The following ESYT2 variants were observed in gnomAD, a reference collection of about 807,000 sequenced individuals.
The protein encoded by ESYT2 is extended synaptotagmin-2.
In ESYT2, 54 loss-of-function variants were observed where a neutral mutation model predicts 107.2. The ratio of observed to expected loss-of-function variants is 0.50; its 90% confidence interval spans 0.40 to 0.63. The LOEUF (loss-of-function observed/expected upper bound fraction) is 0.63. ESYT2 is among the 30% of genes least tolerant of loss of function. The probability of loss-of-function intolerance (pLI) is 0.00; values close to 1 mark genes in which losing one functional copy is unlikely to be tolerated. For synonymous variants in ESYT2, 491 were observed against 434.1 expected, an observed-to-expected ratio of 1.13 and a Z score of -1.63; for missense variants, 1,020 against 1,094.5, an observed-to-expected ratio of 0.93 and a Z score of 0.96.
At chr7:158,795,580 G>A (rs968142913) in intron 3 of ESYT2, among the ~76,000 whole-genome samples, 6 of 116,192 alleles carry the variant, frequency 5.2e-5, no homozygotes, top group African/African-American at 2.3e-4. Context: ...TGCAGCCCCT[G>A]CGGCCACGTA....
chr7:158,815,725 AC>A (rs1840132449), intron 1 of ESYT2, among the ~76,000 whole-genome samples: 1 of 152,088 alleles, frequency 6.6e-6, no homozygotes. Context: ...CCTCTGAAAG[AC>A]CACATCCAAC....
Position 158,782,548 on chromosome 7 carries a change from A to G in ESYT2, c.747+5456T>C, listed in dbSNP as rs551458505. ...TAGCGAGTGTAAGAAAATGAGTGTG[A>G]GAAGCAGCGGGAAAGTGGGAGTGTG... is the stretch of plus-strand genomic sequence containing the variant. On this transcript the variant is annotated intron_variant, in intron 6 of 22. Coordinates refer to ENST00000275418, the MANE Select transcript of ESYT2 (RefSeq NM_001367773.1). Among the ~76,000 whole-genome samples, 198 of 145,894 alleles carry G rather than the reference A, an allele frequency of 1.4e-3. No individual in the cohort carries two copies. In the Middle Eastern group the frequency reaches 0.014, roughly 10 times the overall value.
chr7:158,810,656 T>C (rs6976420), intron 1 of ESYT2, among the ~76,000 whole-genome samples: 11,580 of 151,624 alleles, frequency 0.076, 503 homozygotes, highest in Middle Eastern at 0.15. Flanking sequence ...CGCTCCAGCC[T>C]GGGTGATAGA....
rs759426333 is a variant in ESYT2, at chr7:158,797,980, T to C, written c.469A>G (p.Ser157Gly). 1 of 1,614,096 alleles carries C rather than the reference T, an allele frequency of 6.2e-7. No individual in the cohort carries two copies. The highest frequency in any genetic ancestry group is 8.5e-7 in the Non-Finnish European group (1 of 1,179,954). The change falls in exon 3 of 23, where the codon AGC becomes GGC. Residue 157 changes from serine to glycine, a missense_variant. Physicochemically the swap from Ser to Gly is moderately conservative, Grantham distance 56. Coordinates refer to ENST00000275418, the MANE Select transcript of ESYT2 (RefSeq NM_001367773.1). The part of the protein sequence containing the change: ...PAVRGANTHL[S>G]TFSFTKVDVG... Reference sequence around the variant, plus strand: ...TCGACCTTCGTGAAACTAAAGGTGCTAAGGTGGGTGTTTGCTCCCCGCACG... The same window carrying C: ...TCGACCTTCGTGAAACTAAAGGTGCCAAGGTGGGTGTTTGCTCCCCGCACG...
chr7:158,735,571 T>C lies in ESYT2; in HGVS notation c.2437A>G (p.Arg813Gly). ...TTCTTCACGGCAACGTCGAGCGTTC[T>C]CCTCTGCACTTCTGGTAACGAAACA... is the stretch of plus-strand genomic sequence containing the variant. ...FSVSLPEVQR[R>G]TLDVAVKNSG... Residue 813 changes from arginine (R) to glycine (G), a missense_variant, in exon 21 of 23, where the codon AGA becomes GGA. Transcript: ENST00000275418. 1 of 1,614,088 alleles carries C rather than the reference T, an allele frequency of 6.2e-7. No individual in the cohort carries two copies. Among genetic ancestry groups the C allele is most frequent in the Non-Finnish European group, 8.5e-7 (1 of 1,179,944 alleles).
chr7:158,760,284 C>CTGAGG (rs1837914738), intron 11 of ESYT2, 137 bp from the exon 12 acceptor site: 1 of 721,892 alleles, frequency 1.4e-6, no homozygotes, highest in African/African-American at 1.7e-5. Context: ...GAAGGCTGAG[C>CTGAGG]CTCACCATAT....
chr7:158,797,859 A>AG, intron 3 of ESYT2, 83 bp downstream of exon 3: 1 of 1,541,496 alleles, frequency 6.5e-7, no homozygotes, highest in East Asian at 2.3e-5. Flanking sequence ...GTCTCAAGAA[A>AG]AAAAAAAAAA....
At chr7:158,826,028 A>AC (rs532300621) in intron 1 of ESYT2, among the ~76,000 whole-genome samples, 46 of 151,626 alleles carry the variant, frequency 3.0e-4, no homozygotes, top group African/African-American at 1.1e-3. Context: ...CTAGAAAAAA[A>AC]AAAAAACAAA....
At chr7:158,778,379 G>T (rs936790613) in intron 6 of ESYT2, among the ~76,000 whole-genome samples, 5 of 151,732 alleles carry the variant, frequency 3.3e-5, no homozygotes, top group African/African-American at 1.2e-4. Flanking sequence ...ATTTTAGTTG[G>T]TGATTTTGGA....
intron 6 of ESYT2, 147 bp from the exon 7 acceptor site, chr7:158,773,543 A>G: frequency 1.5e-6 from 1 of 666,152 alleles, no homozygotes; most frequent in Non-Finnish European, 2.4e-6. Context: ...TACCAAGGAC[A>G]TTTTTCTTTG....
At chr7:158,773,076 T>A (rs945740749) in intron 7 of ESYT2, among the ~76,000 whole-genome samples, 1 of 152,178 alleles carries the variant, frequency 6.6e-6, no homozygotes, top group Non-Finnish European at 1.5e-5. Flanking sequence ...GGAAGACACC[T>A]TGTGGTGAAC....
chr7:158,797,872 A>T, intron 3 of ESYT2, 70 bp downstream of exon 3: 1 of 1,547,578 alleles, frequency 6.5e-7, no homozygotes, highest in Non-Finnish European at 8.7e-7. Flanking sequence ...AAAAAAAAGA[A>T]AATGTGTTGT....
At chr7:158,783,558 C>A (rs765670092) in intron 6 of ESYT2, among the ~76,000 whole-genome samples, 21 of 152,194 alleles carry the variant, frequency 1.4e-4, no homozygotes, top group Admixed American at 3.3e-4. Context: ...TTTGACCACA[C>A]GGGAGAGCTG....
In ESYT2 at chr7:158,737,188, A is replaced by T; in HGVS notation, c.2268-9T>A. 6.2e-7 allele frequency: 1 copy of T among 1,613,436 alleles called. No individual in the cohort carries two copies. The highest frequency in any genetic ancestry group is 8.5e-7 in the Non-Finnish European group (1 of 1,179,442). ...AGAAGGCAATGAGGTTTCTTACAAC[A>T]CAAACCAGATAAGACGAGGTATTAG... On this transcript the variant is annotated splice_polypyrimidine_tract_variant and intron_variant, in intron 19 of 22. Transcript: ENST00000275418.
At chr7:158,802,159 A>T (rs1013403788) in intron 1 of ESYT2, among the ~76,000 whole-genome samples, 4 of 152,262 alleles carry the variant, frequency 2.6e-5, no homozygotes, top group African/African-American at 9.6e-5. Context: ...TTGACAGCTA[A>T]CATTTAAAAC....
intron 14 of ESYT2, among the ~76,000 whole-genome samples, chr7:158,752,113 ATTTAAAATTCCCCACCTCT>A (rs1837606701): frequency 6.6e-6 from 1 of 152,214 alleles, no homozygotes; most frequent in Non-Finnish European, 1.5e-5. Context: ...AAATAATTTC[ATTTAAAATTCCCCACCTCT>A]CCCTAAAATT....
At chr7:158,804,446 A>C (rs777584828) in intron 1 of ESYT2, among the ~76,000 whole-genome samples, 2 of 123,844 alleles carry the variant, frequency 1.6e-5, no homozygotes, top group Non-Finnish European at 3.3e-5. Flanking sequence ...CTGCCGAGAA[A>C]GGTGAGGTGT....
Position 158,732,973 on chromosome 7 carries a change from A to C in ESYT2, c.*1234T>G, listed in dbSNP as rs1836796859. 1 of 152,254 alleles carries C rather than the reference A, an allele frequency of 6.6e-6. No individual in the cohort carries two copies. Among genetic ancestry groups the C allele is most frequent in the Admixed American group, 6.5e-5 (1 of 15,288 alleles). The allele number at this position is 152,254 out of a possible 1,614,324, so 9.4% of individuals were successfully genotyped here. ...GGAGGTCTGGGGGACTCTTAAGTAC[A>C]GAAACCTGCTTTTAACAGTCTAAAC... On this transcript the variant is annotated 3_prime_UTR_variant, in exon 23 of 23. Coordinates refer to ENST00000275418, the MANE Select transcript of ESYT2 (RefSeq NM_001367773.1).
Position 158,764,865 on chromosome 7 carries a change from A to G in ESYT2, c.925-12T>C. ...ATCCTTAGAACACCCTGAAAAGAAG[A>G]ACAAACTGAAGTTTAGACCCTTGGC... On this transcript the variant is annotated splice_polypyrimidine_tract_variant and intron_variant, in intron 8 of 22. Transcript: ENST00000275418. 1 of 1,612,574 alleles carries G rather than the reference A, an allele frequency of 6.2e-7. No individual in the cohort carries two copies. The highest frequency in any genetic ancestry group is 8.5e-7 in the Non-Finnish European group (1 of 1,179,272).
Sources: allele counts gnomAD v4.1 joint callset (sites outside exome capture counted in the v4.1 genomes callset), GRCh38; gene constraint gnomAD v4.1.1; transcripts MANE v1.5; gene names NCBI Gene and HGNC (gene_info 2026-07-23, HGNC 2026-07-21).